Variants in BTBD7 observed in about 807,000 individuals in gnomAD.
BTBD7 encodes the protein BTB/POZ domain-containing protein 7.
In BTBD7, 38 loss-of-function variants were observed where a neutral mutation model predicts 99.9. The observed-to-expected ratio is 0.38, with a 90% CI of 0.29 to 0.50. The LOEUF (loss-of-function observed/expected upper bound fraction) is 0.50. Ranked by LOEUF, BTBD7 falls within the 20% of genes least tolerant of loss-of-function variation. The probability of loss-of-function intolerance (pLI) is 0.93; values close to 1 mark genes in which losing one functional copy is unlikely to be tolerated. For missense variants in BTBD7, 1,170 were observed against 1,394.6 expected (o/e 0.84, Z 2.57); for synonymous variants, 520 against 511.4 (o/e 1.02, Z -0.23).
chr14:93,301,547 A>G (rs888741433), intron 1 of BTBD7, among the ~76,000 whole-genome samples: 3 of 152,020 alleles, frequency 2.0e-5, no homozygotes, highest in African/African-American at 7.2e-5. Flanking sequence ...AAAATTAGCC[A>G]GGTGTAGTGG....
In BTBD7 at chr14:93,300,758, GTGTGTGTGTGTGTGTATATATATA is replaced by G. The variant is rs2052990777; in HGVS notation, c.-106-4625_-106-4602del. Reference sequence around the variant, plus strand: ...TGTGTGTGTGTGTGTGTGTGTGTGTGTGTGTGTGTGTGTGTATATATATATATATTTTTTTTTTGTAGAGATAGG... The same window carrying G: ...TGTGTGTGTGTGTGTGTGTGTGTGTGTATATTTTTTTTTTGTAGAGATAGG... On this transcript the variant is annotated intron_variant, in intron 1 of 10. Coordinates refer to ENST00000334746, the MANE Select transcript of BTBD7 (RefSeq NM_001002860.4). 6.8e-5 allele frequency among the ~76,000 whole-genome samples: 3 copies of G among 44,012 alleles called. 1 individual carries two copies. The highest frequency in any genetic ancestry group is 3.4e-4 in the African/African-American group (2 of 5,870). 28.9% of individuals were successfully genotyped at this position (44,012 alleles called of 152,430 possible).
chr14:93,281,385 C>T (rs890471999), intron 3 of BTBD7, among the ~76,000 whole-genome samples: 1 of 152,196 alleles, frequency 6.6e-6, no homozygotes, highest in African/African-American at 2.4e-5. Context: ...CATCCACCCG[C>T]CTCAGCCTCC....
intron 3 of BTBD7, among the ~76,000 whole-genome samples, chr14:93,290,246 T>C (rs2052832632): frequency 6.6e-6 from 1 of 151,348 alleles, no homozygotes; most frequent in African/African-American, 2.4e-5. Flanking sequence ...GCAGTCTCAC[T>C]CCGTCGCCCA....
At position 93,314,289 on chromosome 14, in the gene BTBD7, G is replaced by C. The variant is rs147963047; in HGVS notation, c.-106-18132C>G. ...AACCAGTGAAGAAATCATTAAAAGA[G>C]ATACTGAATTATTAGAAAAAAATAT... On this transcript the variant is annotated intron_variant, in intron 1 of 10. Transcript: ENST00000334746. 1.1e-3 allele frequency among the ~76,000 whole-genome samples: 163 copies of C among 152,116 alleles called. 1 individual carries two copies. Among genetic ancestry groups the C allele is most frequent in the African/African-American group, 3.5e-3 (146 of 41,518 alleles).
At chr14:93,321,718 T>C (rs2053272311) in intron 1 of BTBD7, among the ~76,000 whole-genome samples, 1 of 152,194 alleles carries the variant, frequency 6.6e-6, no homozygotes. Flanking sequence ...CTGCCCAAGT[T>C]TGGATCTGAC....
At chr14:93,272,671 CAA>C (rs2052612768) in intron 3 of BTBD7, among the ~76,000 whole-genome samples, 1 of 152,174 alleles carries the variant, frequency 6.6e-6, no homozygotes, top group Non-Finnish European at 1.5e-5. Context: ...ATCACACCTA[CAA>C]ATCTATTTTT....
intron 1 of BTBD7, among the ~76,000 whole-genome samples, chr14:93,328,275 A>C (rs1011999327): frequency 1.3e-5 from 2 of 152,190 alleles, no homozygotes; most frequent in Non-Finnish European, 2.9e-5. Flanking sequence ...CCTAAAATTC[A>C]TATGGCATCT....
chr14:93,292,179 C>T (rs2052864488), intron 3 of BTBD7, among the ~76,000 whole-genome samples: 1 of 152,128 alleles, frequency 6.6e-6, no homozygotes, highest in African/African-American at 2.4e-5. Context: ...AAGATCAAGA[C>T]TCCGTTTTTA....
rs1229165240 is a variant in BTBD7 at position 93,300,777 on chromosome 14, TATA to T, written c.-106-4623_-106-4621del. Among the ~76,000 whole-genome samples, 9 of 99,322 alleles carry T rather than the reference TATA, an allele frequency of 9.1e-5. 1 individual carries two copies. In the East Asian group the frequency reaches 2.1e-3, roughly 23 times the overall value. 65.2% of individuals were successfully genotyped at this position (99,322 alleles called of 152,430 possible). ...GTGTGTGTGTGTGTGTGTGTGTATA[TATA>T]TATATATTTTTTTTTTGTAGAGATA... On this transcript the variant is annotated intron_variant, in intron 1 of 10. Coordinates refer to ENST00000334746, the MANE Select transcript of BTBD7 (RefSeq NM_001002860.4).
chr14:93,246,272 G>T lies in BTBD7; in HGVS notation c.2136C>A (p.Phe712Leu). Residue 712 changes from phenylalanine to leucine, a missense_variant, in exon 10 of 11, where the codon TTC becomes TTA. By Grantham distance (22) the Phe-to-Leu change is conservative. Coordinates refer to ENST00000334746, the MANE Select transcript of BTBD7 (RefSeq NM_001002860.4). The stretch of plus-strand genomic sequence containing the variant: ...CATCCCCAAAACGTTCATCAGGAAA[G>T]AATTTGTGAGGATTCTAAAAAAGAT... ...AAELLQNPHK[F>L]FPDERFGDES... 2 of 1,442,588 alleles carry T rather than the reference G, an allele frequency of 1.4e-6. No homozygotes were observed. Among genetic ancestry groups the T allele is most frequent in the East Asian group, 2.5e-5 (1 of 40,796 alleles). The allele number at this position is 1,442,588 out of a possible 1,614,324, so 89.4% of individuals were successfully genotyped here. A position where few individuals can be genotyped will look rare whatever the true frequency, so the allele number is the denominator to read the frequency against.
chr14:93,264,320 AG>A (rs2052519830), intron 3 of BTBD7, among the ~76,000 whole-genome samples: 1 of 152,238 alleles, frequency 6.6e-6, no homozygotes, highest in African/African-American at 2.4e-5. Flanking sequence ...AAAGAAGAGT[AG>A]GCAAAAAGGC....
chr14:93,314,682 G>A (rs2053178917), intron 1 of BTBD7, among the ~76,000 whole-genome samples: 1 of 152,108 alleles, frequency 6.6e-6, no homozygotes, highest in Non-Finnish European at 1.5e-5. Context: ...TAAATTTCAA[G>A]AAGATTCTTG....
In BTBD7 at chr14:93,238,338, CA is replaced by C. The variant is rs1432786990; in HGVS notation, c.*3934del. On this transcript the variant is annotated 3_prime_UTR_variant, in exon 11 of 11. Coordinates refer to ENST00000334746, the MANE Select transcript of BTBD7 (RefSeq NM_001002860.4). ...ACAGGACAAAAAGACAACATGTCAC[CA>C]AATATTGTTCATACAACAGCGTTAA... 1 of 152,434 alleles carries C rather than the reference CA, an allele frequency of 6.6e-6. No homozygotes were observed. The allele number at this position is 152,434 out of a possible 1,614,324, so 9.4% of individuals were successfully genotyped here. A position where few individuals can be genotyped will look rare whatever the true frequency, so the allele number is the denominator to read the frequency against.
At chr14:93,303,662 C>T (rs76807258) in intron 1 of BTBD7, among the ~76,000 whole-genome samples, 71 of 152,288 alleles carry the variant, frequency 4.7e-4, no homozygotes, top group African/African-American at 1.4e-3. Context: ...GAAAGTGGTG[C>T]GTTAAGAATG....
chr14:93,244,206 G>T, intron 10 of BTBD7: 1 of 385,856 alleles, frequency 2.6e-6, no homozygotes, highest in South Asian at 2.2e-5. Context: ...AGACTGTGCT[G>T]AAGGTTGAGT....
At chr14:93,268,017 CATCTCCCTTGATG>C in intron 3 of BTBD7, among the ~76,000 whole-genome samples, 2 of 152,298 alleles carry the variant, frequency 1.3e-5, no homozygotes, top group South Asian at 4.1e-4. Context: ...GTCCAAGCTA[CATCTCCCTTGATG>C]ATCTGGCACC....
intron 3 of BTBD7, among the ~76,000 whole-genome samples, chr14:93,280,901 A>G (rs1370626650): frequency 6.6e-6 from 1 of 150,898 alleles, no homozygotes; most frequent in African/African-American, 2.4e-5. Context: ...GCTGAATCAC[A>G]ACTCACTGTA....
intron 3 of BTBD7, among the ~76,000 whole-genome samples, chr14:93,277,567 G>A (rs2052670097): frequency 1.3e-5 from 2 of 152,294 alleles, no homozygotes; most frequent in Non-Finnish European, 2.9e-5. Context: ...TGTGATGTGT[G>A]AAATCTTTGC....
At chr14:93,303,866 G>C (rs2139789594) in intron 1 of BTBD7, among the ~76,000 whole-genome samples, 1 of 152,352 alleles carries the variant, frequency 6.6e-6, no homozygotes, top group African/African-American at 2.4e-5. Context: ...CCTGACTCTA[G>C]GACAATGGGA....
Sources: gnomAD v4.1 joint callset for allele counts (sites outside exome capture counted in the v4.1 genomes callset) on GRCh38, gnomAD v4.1.1 for gene constraint, MANE v1.5 for transcripts, NCBI Gene and HGNC (gene_info 2026-07-23, HGNC 2026-07-21) for gene names.